ITPRID2: variants seen among roughly 807,000 people sequenced by gnomAD.
ITPRID2 encodes the protein ITPR interacting domain containing 2.
ITPRID2 carries 60 observed loss-of-function variants against 124.3 expected under a neutral mutation model. The ratio of observed to expected loss-of-function variants is 0.48; its 90% confidence interval spans 0.39 to 0.60. ITPRID2 has a LOEUF of 0.60. Ranked by LOEUF, ITPRID2 falls within the 20% of genes least tolerant of loss-of-function variation. The pLI, the probability that ITPRID2 is intolerant of heterozygous loss-of-function variation, is 0.00. For missense variants in ITPRID2, 1,553 were observed against 1,512.2 expected (o/e 1.03, Z -0.45); for synonymous variants, 521 against 542.9 (o/e 0.96, Z 0.56).
chr2:181,915,528 C>G lies in ITPRID2; in HGVS notation c.1888C>G (p.Pro630Ala), dbSNP rs1168288507. 3 of 1,614,160 alleles carry G rather than the reference C, an allele frequency of 1.9e-6. No individual in the cohort carries two copies. The highest frequency in any genetic ancestry group is 2.5e-6 in the Non-Finnish European group (3 of 1,180,030). The part of the protein sequence containing the change: ...EITEVEEDLF[P>A]AETVELLREA... ...TACTGAAGTGGAAGAGGATTTGTTT[C>G]CAGCAGAGACAGTAGAGCTACTGAG... Residue 630 changes from proline (P) to alanine (A), a missense_variant, in exon 11 of 18, where the codon CCA (proline) becomes GCA (alanine). Pro to Ala is a conservative substitution (Grantham distance 27, BLOSUM62 -1). Transcript: ENST00000431877.
At chr2:181,895,287 TAA>T (rs1396123172) in intron 2 of ITPRID2, among the ~76,000 whole-genome samples, 4 of 152,058 alleles carry the variant, frequency 2.6e-5, no homozygotes, top group East Asian at 3.8e-4. Context: ...TTCAGAGAAT[TAA>T]AAGTGTTTAT....
chr2:181,906,433 A>AT (rs1693128806), intron 8 of ITPRID2, among the ~76,000 whole-genome samples: 1 of 152,090 alleles, frequency 6.6e-6, no homozygotes, highest in African/African-American at 2.4e-5. Flanking sequence ...TTTAATTTTA[A>AT]TTTTGCTGTT....
intron 16 of ITPRID2, among the ~76,000 whole-genome samples, chr2:181,926,837 T>C (rs1694906460): frequency 6.6e-6 from 1 of 152,162 alleles, no homozygotes; most frequent in South Asian, 2.1e-4. Flanking sequence ...ATACTCATTG[T>C]TGTGAATATA....
chr2:181,922,287 G>A lies in ITPRID2; in HGVS notation c.3550G>A (p.Ala1184Thr). The change falls in exon 16 of 18, where the codon GCC becomes ACC. Residue 1184 changes from alanine to threonine, a missense_variant. By Grantham distance (58) the Ala-to-Thr change is moderately conservative. Coordinates refer to ENST00000431877, the MANE Select transcript of ITPRID2 (RefSeq NM_001130445.3). ...SSEEVDAAEG[A>T]PEVVGPKSEV... is the part of the protein sequence containing the mutation. ...TGAGGAAGTTGATGCAGCTGAAGGAGCCCCAGAAGTTGTAGGACCTAAATC... is the reference window on the plus strand; with the variant it reads ...TGAGGAAGTTGATGCAGCTGAAGGAACCCCAGAAGTTGTAGGACCTAAATC... The A allele has an allele frequency of 1.9e-6, 3 of 1,614,210 alleles. No individual in the cohort carries two copies. The highest frequency in any genetic ancestry group is 2.5e-6 in the Non-Finnish European group (3 of 1,180,046).
At chr2:181,895,373 TA>T (rs1375900862) in intron 2 of ITPRID2, among the ~76,000 whole-genome samples, 8 of 152,136 alleles carry the variant, frequency 5.3e-5, no homozygotes, top group Admixed American at 5.2e-4. Flanking sequence ...TAGCAATGGC[TA>T]ATCTTAATGT....
chr2:181,928,801 AT>A (rs1285607383), intron 17 of ITPRID2, among the ~76,000 whole-genome samples: 1 of 145,764 alleles, frequency 6.9e-6, no homozygotes, highest in Non-Finnish European at 1.5e-5. Context: ...AATTTTTTGT[AT>A]TTTTTAGTAG....
rs771556089 is a variant in ITPRID2 at position 181,928,176 on chromosome 2, G to C, written c.3691G>C (p.Val1231Leu). The C allele has an allele frequency of 1.9e-6, 3 of 1,549,070 alleles. 1 individual carries two copies. Residue 1231 changes from valine to leucine, a missense_variant, in exon 17 of 18, where the codon GTT (valine) becomes CTT (leucine). Coordinates refer to ENST00000431877, the MANE Select transcript of ITPRID2 (RefSeq NM_001130445.3). ...QVIREIKESI[V>L]GEIRREIVSG... Reference sequence around the variant, plus strand: ...TCCAATCTAGATTAAAGAGTCTATTGTTGGGGAAATCAGACGGGAAATTGT... The same window carrying C: ...TCCAATCTAGATTAAAGAGTCTATTCTTGGGGAAATCAGACGGGAAATTGT...
intron 14 of ITPRID2, among the ~76,000 whole-genome samples, chr2:181,920,113 C>G (rs879701084): frequency 1.1e-4 from 17 of 151,966 alleles, no homozygotes; most frequent in Non-Finnish European, 2.9e-5. Context: ...CTTTGAAATG[C>G]TGAAATAGTG....
intron 9 of ITPRID2, 32 bp from the exon 10 acceptor site, chr2:181,913,813 T>G: frequency 6.6e-7 from 1 of 1,520,154 alleles, no homozygotes; most frequent in Non-Finnish European, 9.0e-7. Flanking sequence ...ATAGATCATC[T>G]GTTTCTTATA....
intron 14 of ITPRID2, among the ~76,000 whole-genome samples, chr2:181,920,005 G>T (rs895084534): frequency 1.5e-4 from 23 of 151,976 alleles, no homozygotes; most frequent in African/African-American, 5.1e-4. Flanking sequence ...ACATGTTTTT[G>T]TACCACTTTT....
intron 17 of ITPRID2, among the ~76,000 whole-genome samples, chr2:181,929,101 T>G (rs1695094049): frequency 6.6e-6 from 1 of 151,922 alleles, no homozygotes; most frequent in South Asian, 2.1e-4. Context: ...AAAAAATTTT[T>G]TTGTAGAGAT....
chr2:181,916,886 G>A (rs1182067135), intron 11 of ITPRID2: 32 of 997,490 alleles, frequency 3.2e-5, no homozygotes, highest in Non-Finnish European at 3.8e-5. Context: ...GGTTCTGCTC[G>A]TAGCTCTCTG....
At position 181,919,260 on chromosome 2, in the gene ITPRID2, A is replaced by G. The variant is rs1441788762; in HGVS notation, c.2994-36A>G. ...TTGTGATTAGGAATCTCCAAACTGC[A>G]TTTTTCCAATTTTGTGCCCTTCACC... On this transcript the variant is annotated intron_variant, in intron 13 of 17. Transcript: ENST00000431877. This position sits in a 1 kb window ranked among gnomAD's most constrained non-coding sequence, Gnocchi z 4.2. 8 of 1,610,648 alleles carry G rather than the reference A, an allele frequency of 5.0e-6. No homozygotes were observed. The South Asian group carries it at 7.7e-5, about 16-fold the overall frequency.
chr2:181,900,454 C>T (rs566767531), intron 6 of ITPRID2, among the ~76,000 whole-genome samples: 2 of 152,124 alleles, frequency 1.3e-5, no homozygotes, highest in Non-Finnish European at 1.5e-5. Flanking sequence ...TGACTGTGTT[C>T]GTTGGGGTTA....
intron 9 of ITPRID2, among the ~76,000 whole-genome samples, chr2:181,912,407 C>T (rs996296657): frequency 6.6e-6 from 1 of 152,112 alleles, no homozygotes; most frequent in East Asian, 1.9e-4. Flanking sequence ...TTCCAATTTA[C>T]GTAGGCTTAT....
intron 6 of ITPRID2, 58 bp downstream of exon 6, chr2:181,899,170 T>A: frequency 8.2e-7 from 1 of 1,223,422 alleles, no homozygotes; most frequent in Non-Finnish European, 1.1e-6. Context: ...CCTACTCTTA[T>A]CATTTTTTCA....
At chr2:181,925,824 A>C (rs16867512) in intron 16 of ITPRID2, among the ~76,000 whole-genome samples, 1 of 152,144 alleles carries the variant, frequency 6.6e-6, no homozygotes, top group African/African-American at 2.4e-5. Context: ...AGAGTTTTCT[A>C]TCTCCACTGT....
At chr2:181,917,858 T>G (rs1356181620) in intron 11 of ITPRID2, 1 of 152,268 alleles carries the variant, frequency 6.6e-6, no homozygotes, top group Non-Finnish European at 1.5e-5. Flanking sequence ...CATGGCTCCC[T>G]GCAGTCTTGA....
chr2:181,899,067 G>T lies in ITPRID2; in HGVS notation c.458G>T (p.Ser153Ile). The T allele has an allele frequency of 5.0e-6, 8 of 1,611,166 alleles. No homozygotes were observed. The highest frequency in any genetic ancestry group is 5.9e-6 in the Non-Finnish European group (7 of 1,179,132). ...TTACAGTTTCATCAGAAAGGGAGAA[G>T]TATGAATTCCACTGGATCTGGGAAA... ...RRLQFHQKGRSMNSTGSGKSS... is the reference protein window; with the variant it reads ...RRLQFHQKGRIMNSTGSGKSS... Residue 153 changes from serine (S) to isoleucine (I), a missense_variant, in exon 6 of 18, where the codon AGT (serine) becomes ATT (isoleucine). Ser to Ile is a moderately radical substitution (Grantham distance 142, BLOSUM62 -2). Transcript: ENST00000431877.
Sources: gnomAD v4.1 joint callset for allele counts (sites outside exome capture counted in the v4.1 genomes callset) on GRCh38, gnomAD v4.1.1 for gene constraint, Gnocchi (gnomAD v3.1) non-coding constraint, MANE v1.5 for transcripts, NCBI Gene and HGNC (gene_info 2026-07-23, HGNC 2026-07-21) for gene names.